Variants in AGBL2 observed in about 807,000 individuals in gnomAD.
AGBL2 encodes the protein AGBL carboxypeptidase 2.
A neutral mutation model predicts 103.0 loss-of-function variants in AGBL2; 87 were observed. The ratio of observed to expected loss-of-function variants is 0.84; its 90% confidence interval spans 0.71 to 1.01. The LOEUF (loss-of-function observed/expected upper bound fraction) is 1.01. Among genes scored for constraint, AGBL2 ranks in the 50% least tolerant of loss-of-function variants. The pLI is 0.00. For synonymous variants in AGBL2, 335 were observed against 356.7 expected (o/e 0.94, Z 0.69); for missense variants, 904 against 1,023.5 (o/e 0.88, Z 1.59).
At chr11:47,705,761 C>T in intron 5 of AGBL2, 103 bp downstream of exon 5, 1 of 1,013,432 alleles carries the variant, frequency 9.9e-7, no homozygotes, top group Non-Finnish European at 1.6e-6. Flanking sequence ...GCATGAATCC[C>T]ATTCCTGTCT....
At chr11:47,706,408 C>T (rs1599092151) in intron 4 of AGBL2, among the ~76,000 whole-genome samples, 4 of 151,694 alleles carry the variant, frequency 2.6e-5, no homozygotes, top group South Asian at 2.1e-4. Flanking sequence ...TCCAGCTACT[C>T]GAGAGGCTGA....
chr11:47,680,727 G>A (rs1238029750), intron 12 of AGBL2, among the ~76,000 whole-genome samples: 1 of 150,760 alleles, frequency 6.6e-6, no homozygotes, highest in African/African-American at 2.4e-5. Context: ...GGGAGGCGAG[G>A]TTTCAGTGAG....
At chr11:47,703,000 T>A (rs1358870726) in intron 7 of AGBL2, among the ~76,000 whole-genome samples, 2 of 152,154 alleles carry the variant, frequency 1.3e-5, no homozygotes, top group Non-Finnish European at 2.9e-5. Context: ...ATTCCATAAA[T>A]GCTTAATCCA....
chr11:47,691,729 A>AAAAAAAAAAAAAAATATATATACATATAT lies in AGBL2; in HGVS notation c.848+373_848+374insATATATGTATATATATTTTTTTTTTTTTT. ...TCTCAAGAAAAAAAAAAAAAAAAAAAATATATATATATATATATATATATA... is the reference window on the plus strand; with the variant it reads ...TCTCAAGAAAAAAAAAAAAAAAAAAAAAAAAAAAAAAAAATATATATACATATATATATATATATATATATATATATATA... On this transcript the variant is annotated intron_variant, in intron 9 of 18. Coordinates refer to ENST00000525123, the MANE Select transcript of AGBL2 (RefSeq NM_024783.4). 1.2e-3 allele frequency among the ~76,000 whole-genome samples: 6 copies of AAAAAAAAAAAAAAATATATATACATATAT among 4,850 alleles called. 2 individuals are homozygous for AAAAAAAAAAAAAAATATATATACATATAT. Among genetic ancestry groups the AAAAAAAAAAAAAAATATATATACATATAT allele is most frequent in the Non-Finnish European group, 2.2e-3 (6 of 2,742 alleles). 3.2% of individuals were successfully genotyped at this position (4,850 alleles called of 152,430 possible). A position where few individuals can be genotyped will look rare whatever the true frequency, so the allele number is the denominator to read the frequency against.
chr11:47,680,843 A>G (rs7120737), intron 12 of AGBL2, among the ~76,000 whole-genome samples: 31,113 of 148,550 alleles, frequency 0.21, 3,649 homozygotes, highest in East Asian at 0.31. Context: ...ATTCTAGAAT[A>G]TTATGCTTCA....
chr11:47,667,825 G>A (rs2097345462), intron 15 of AGBL2, 129 bp from the exon 16 acceptor site: 1 of 1,043,128 alleles, frequency 9.6e-7, no homozygotes, highest in Non-Finnish European at 1.4e-6. Context: ...TGTTGGTTTG[G>A]AGAATAAACA....
chr11:47,687,653 G>A (rs964488227), intron 10 of AGBL2, among the ~76,000 whole-genome samples: 4 of 151,858 alleles, frequency 2.6e-5, no homozygotes, highest in Non-Finnish European at 4.4e-5. Flanking sequence ...CTTCTGCCAT[G>A]ATTGTACGCT....
At chr11:47,674,796 T>G (rs2097369062) in intron 14 of AGBL2, among the ~76,000 whole-genome samples, 1 of 151,746 alleles carries the variant, frequency 6.6e-6, no homozygotes, top group African/African-American at 2.4e-5. Flanking sequence ...AGTGCAATGG[T>G]GCGATCTCGG....
intron 18 of AGBL2, among the ~76,000 whole-genome samples, chr11:47,661,707 G>A (rs2097328439): frequency 6.6e-6 from 1 of 151,514 alleles, no homozygotes; most frequent in Non-Finnish European, 1.5e-5. Context: ...ACACCCTCCT[G>A]TACACATTCC....
chr11:47,679,234 G>A (rs201345479), intron 13 of AGBL2, among the ~76,000 whole-genome samples: 1 of 151,652 alleles, frequency 6.6e-6, no homozygotes, highest in Non-Finnish European at 1.5e-5. Context: ...GCCTGGGAAC[G>A]GAAAAACCCT....
At chr11:47,689,302 AT>A (rs397741033) in intron 10 of AGBL2, among the ~76,000 whole-genome samples, 24,127 of 125,964 alleles carry the variant, frequency 0.19, 1,814 homozygotes, top group East Asian at 0.27. Flanking sequence ...CCACTTCTCA[AT>A]TTTTTTTTTT....
chr11:47,670,097 T>C (rs1241270370), intron 14 of AGBL2, among the ~76,000 whole-genome samples: 1 of 152,186 alleles, frequency 6.6e-6, no homozygotes, highest in Non-Finnish European at 1.5e-5. Flanking sequence ...GTGGAGGTTG[T>C]GAGAGGCTAC....
intron 10 of AGBL2, among the ~76,000 whole-genome samples, chr11:47,688,435 T>C (rs1163719070): frequency 6.6e-6 from 1 of 152,182 alleles, no homozygotes; most frequent in Non-Finnish European, 1.5e-5. Flanking sequence ...AAAGCCTTGA[T>C]TCCTGACTTT....
In AGBL2 at chr11:47,688,847, T is replaced by C. The variant is rs559174679; in HGVS notation, c.1631+1229A>G. Reference sequence around the variant, plus strand: ...GCCTCCCAGGTTCAAGTGATTCTCCTGACTCGGCCTCCTGAGTAGCTGGGA... The same window carrying C: ...GCCTCCCAGGTTCAAGTGATTCTCCCGACTCGGCCTCCTGAGTAGCTGGGA... On this transcript the variant is annotated intron_variant, in intron 10 of 18. Coordinates refer to ENST00000525123, the MANE Select transcript of AGBL2 (RefSeq NM_024783.4). 4.6e-5 allele frequency among the ~76,000 whole-genome samples: 7 copies of C among 152,270 alleles called. No homozygotes were observed. The South Asian group carries it at 1.4e-3, about 32-fold the overall frequency.
Position 47,690,232 on chromosome 11 carries a change from A to G in AGBL2, c.1475T>C (p.Ile492Thr), listed in dbSNP as rs373859848. The change falls in exon 10 of 19, where the codon ATT becomes ACT. Residue 492 changes from isoleucine (I) to threonine (T), a missense_variant. Coordinates refer to ENST00000525123, the MANE Select transcript of AGBL2 (RefSeq NM_024783.4). ...NSPDAQLLRD[I>T]FVFKVLPMLN... ...CATGGGAAGCACCTTGAAGACAAAAATATCTCTGAGGAGCTGGGCATCTGG... is the reference window on the plus strand; with the variant it reads ...CATGGGAAGCACCTTGAAGACAAAAGTATCTCTGAGGAGCTGGGCATCTGG... 36 of 1,614,076 alleles carry G rather than the reference A, an allele frequency of 2.2e-5. No individual in the cohort carries two copies. The highest frequency in any genetic ancestry group is 3.1e-5 in the Non-Finnish European group (36 of 1,180,056).
chr11:47,704,186 A>G (rs1387300986), intron 7 of AGBL2, among the ~76,000 whole-genome samples: 1 of 152,028 alleles, frequency 6.6e-6, no homozygotes. Context: ...ATCTTGTAAT[A>G]AAGTCAGGCA....
At chr11:47,678,286 C>CTGTAT (rs1402280517) in intron 13 of AGBL2, among the ~76,000 whole-genome samples, 2 of 128,764 alleles carry the variant, frequency 1.6e-5, no homozygotes, top group Non-Finnish European at 3.2e-5. Flanking sequence ...CAATGCAATA[C>CTGTAT]TCTATTTTAT....
chr11:47,684,239 C>T (rs775964312), intron 11 of AGBL2, among the ~76,000 whole-genome samples: 6 of 151,426 alleles, frequency 4.0e-5, no homozygotes, highest in Non-Finnish European at 5.9e-5. Flanking sequence ...TGTTACTGCA[C>T]GATCTGGGTG....
At chr11:47,713,280 G>A (rs1025337415) in intron 3 of AGBL2, among the ~76,000 whole-genome samples, 1 of 151,208 alleles carries the variant, frequency 6.6e-6, no homozygotes, top group Non-Finnish European at 1.5e-5. Flanking sequence ...GGAGGTGGAG[G>A]TCGCAGTGAG....
Sources: gnomAD v4.1 joint callset for allele counts (sites outside exome capture counted in the v4.1 genomes callset) on GRCh38, gnomAD v4.1.1 for gene constraint, MANE v1.5 for transcripts, NCBI Gene and HGNC (gene_info 2026-07-23, HGNC 2026-07-21) for gene names.